The following GMEB1 variants were observed in gnomAD, a reference collection of about 807,000 sequenced individuals.
GMEB1 encodes the protein glucocorticoid modulatory element binding protein 1.
In GMEB1, 6 loss-of-function variants were observed where a neutral mutation model predicts 52.4. That is an observed-to-expected ratio of 0.11 (90% CI 0.06 to 0.23). The LOEUF (loss-of-function observed/expected upper bound fraction) is 0.23, where lower values mean the gene tolerates loss of function less well. Ranked by LOEUF, GMEB1 falls within the 10% of genes least tolerant of loss-of-function variation. The pLI, the probability that GMEB1 is intolerant of heterozygous loss-of-function variation, is 1.00. For missense variants in GMEB1, 486 were observed against 685.6 expected (o/e 0.71, Z 3.25); for synonymous variants, 255 against 244.9 (o/e 1.04, Z -0.38).
intron 1 of GMEB1, among the ~76,000 whole-genome samples, chr1:28,669,398 A>G (rs1223315906): frequency 6.6e-6 from 1 of 152,090 alleles, no homozygotes; most frequent in Admixed American, 6.6e-5. Flanking sequence ...GGAAGCCCGG[A>G]TGCCCGCCTG....
At chr1:28,712,476 C>T (rs1356547345) in intron 9 of GMEB1, among the ~76,000 whole-genome samples, 1 of 152,164 alleles carries the variant, frequency 6.6e-6, no homozygotes, top group Non-Finnish European at 1.5e-5. Context: ...GACCAGCCCC[C>T]ATCTTGAATC....
chr1:28,690,203 G>GTTTTTTTT lies in GMEB1; in HGVS notation c.211+31_211+38dup, dbSNP rs878890649. The GTTTTTTTT allele has an allele frequency of 8.1e-5, 42 of 516,124 alleles. No individual in the cohort carries two copies. Among genetic ancestry groups the GTTTTTTTT allele is most frequent in the African/African-American group, 2.3e-4 (8 of 34,552 alleles). The allele number at this position is 516,124 out of a possible 1,614,324, so 32.0% of individuals were successfully genotyped here. On this transcript the variant is annotated intron_variant, in intron 3 of 9. Transcript: ENST00000373816. ...AAGGGATTGGTAAGGGTTTTTTTGT[G>GTTTTTTTT]TTTTTTTTTTTTTTTTTTTTTGTCA...
chr1:28,685,674 T>C lies in GMEB1; in HGVS notation c.128+1934T>C, dbSNP rs147493657. ...AATTTTTCCCTGATAAAAAATCTTG[T>C]TTACGGCCAGTCATAGTGGCTCACA... On this transcript the variant is annotated intron_variant, in intron 2 of 9. Coordinates refer to ENST00000373816, the MANE Select transcript of GMEB1 (RefSeq NM_001319674.2). Among the ~76,000 whole-genome samples the C allele has an allele frequency of 5.9e-3, 906 of 152,272 alleles. 4 individuals carry two copies. Among genetic ancestry groups the C allele is most frequent in the African/African-American group, 0.02 (851 of 41,560 alleles).
intron 6 of GMEB1, 64 bp from the exon 7 acceptor site, chr1:28,702,374 A>C: frequency 2.9e-6 from 4 of 1,380,326 alleles, no homozygotes; most frequent in Non-Finnish European, 4.1e-6. Context: ...TGAGTATGAG[A>C]TATAGGATAG....
At chr1:28,695,957 AAAAAAAAAAAAAAAAAAT>A (rs1269638597) in intron 5 of GMEB1, among the ~76,000 whole-genome samples, 10 of 148,164 alleles carry the variant, frequency 6.7e-5, no homozygotes, top group African/African-American at 2.3e-4. Flanking sequence ...AAAAAAAAAA[AAAAAAAAAAAAAAAAAAT>A]TTTCAGATGA....
chr1:28,707,045 C>T (rs1180079912), intron 8 of GMEB1, among the ~76,000 whole-genome samples: 1 of 124,708 alleles, frequency 8.0e-6, no homozygotes, highest in Non-Finnish European at 1.6e-5. Context: ...TGCAGTGATG[C>T]GATCTTGGCT....
Position 28,691,611 on chromosome 1 carries a change from G to C in GMEB1, c.238G>C (p.Asp80His). 1 of 1,567,006 alleles carries C rather than the reference G, an allele frequency of 6.4e-7. No individual in the cohort carries two copies. The highest frequency in any genetic ancestry group is 8.7e-7 in the Non-Finnish European group (1 of 1,148,326). The change falls in exon 4 of 10, where the codon GAT becomes CAT. Residue 80 changes from aspartate (D) to histidine (H), a missense_variant. Transcript: ENST00000373816. The part of the protein sequence containing the change: ...IDTGTIEANE[D>H]MEIAYPITCG... ...TACAGGCACTATAGAAGCAAATGAG[G>C]ATATGGAAATTGCTTACCCCATAAC... is the stretch of plus-strand genomic sequence containing the variant.
intron 2 of GMEB1, among the ~76,000 whole-genome samples, chr1:28,684,755 T>C (rs950768860): frequency 6.6e-6 from 1 of 151,620 alleles, no homozygotes; most frequent in Non-Finnish European, 1.5e-5. Context: ...GAGGGGGTGA[T>C]GAGAGGGAAC....
chr1:28,676,608 C>G (rs1198220428), intron 1 of GMEB1, among the ~76,000 whole-genome samples: 1 of 152,062 alleles, frequency 6.6e-6, no homozygotes, highest in African/African-American at 2.4e-5. Flanking sequence ...CGCCTGTAGT[C>G]TCAGCTACTT....
rs1336329442 is a variant in GMEB1 at position 28,714,310 on chromosome 1, G to A, written c.1229G>A (p.Gly410Asp). 1.2e-6 allele frequency: 2 copies of A among 1,614,110 alleles called. No homozygotes were observed. The highest frequency in any genetic ancestry group is 1.7e-5 in the Admixed American group (1 of 60,012). Residue 410 changes from glycine (G) to aspartate (D), a missense_variant, in exon 10 of 10, where the codon GGC becomes GAC. By Grantham distance (94) the Gly-to-Asp change is moderately conservative (BLOSUM62 -1). Around this residue, in one of 5 missense-constraint regions of GMEB1, gnomAD observed 153 missense variants for 200.8 expected, o/e 0.76. Coordinates refer to ENST00000373816, the MANE Select transcript of GMEB1 (RefSeq NM_001319674.2). ...CCAGTGGGTCAGTCATTTTCCATGG[G>A]CAATATTCCAGTGGCCACCCTCAGC... The part of the protein sequence containing the change: ...ITPVGQSFSM[G>D]NIPVATLSQG...
At position 28,702,420 on chromosome 1, in the gene GMEB1, C is replaced by T. The variant is rs1428523450; in HGVS notation, c.599-18C>T. The T allele has an allele frequency of 6.2e-7, 1 of 1,611,212 alleles. No homozygotes were observed. ...TTCGTTAAATTCACTGTTCTCACCT[C>T]TACTGGACTGTTTTTAGGTAGCATC... On this transcript the variant is annotated intron_variant, in intron 6 of 9. Transcript: ENST00000373816.
At chr1:28,700,790 A>G (rs1670466785) in intron 6 of GMEB1, among the ~76,000 whole-genome samples, 3 of 152,260 alleles carry the variant, frequency 2.0e-5, no homozygotes, top group Middle Eastern at 6.8e-3. Context: ...TCAGGAAAGT[A>G]TAAAATATCT....
At chr1:28,710,708 G>T in intron 9 of GMEB1, 66 bp downstream of exon 9, 9 of 1,110,074 alleles carry the variant, frequency 8.1e-6, no homozygotes, top group East Asian at 3.5e-5. Flanking sequence ...CCATTTTCTT[G>T]TTGACTTTTG....
At chr1:28,669,065 C>A (rs1333189931) in intron 1 of GMEB1, among the ~76,000 whole-genome samples, 5 of 146,774 alleles carry the variant, frequency 3.4e-5, no homozygotes, top group African/African-American at 4.9e-5. Flanking sequence ...CCGCTGGGTC[C>A]GCCCGAGCCG....
intron 1 of GMEB1, among the ~76,000 whole-genome samples, chr1:28,677,459 A>C (rs910873887): frequency 1.3e-5 from 2 of 152,166 alleles, no homozygotes; most frequent in Admixed American, 1.3e-4. Context: ...GGCCTCCCAA[A>C]GTGCTGGGAT....
At chr1:28,692,883 C>T (rs1670029043) in intron 4 of GMEB1, 59 bp from the exon 5 acceptor site, 2 of 805,982 alleles carry the variant, frequency 2.5e-6, no homozygotes, top group South Asian at 3.4e-5. Flanking sequence ...TTCATTATTT[C>T]CCCTCTTGGC....
At position 28,704,380 on chromosome 1, in the gene GMEB1, C is replaced by T. The variant is rs188973495; in HGVS notation, c.868+51C>T. ...CAGTGATTTATTGAATACTCACCTCCGTAGGCAGGTCCTGTAAGCCTTGCA... is the reference window on the plus strand; with the variant it reads ...CAGTGATTTATTGAATACTCACCTCTGTAGGCAGGTCCTGTAAGCCTTGCA... On this transcript the variant is annotated intron_variant, in intron 8 of 9. Transcript: ENST00000373816. 1,342 of 1,515,248 alleles carry T rather than the reference C, an allele frequency of 8.9e-4. 9 individuals are homozygous for T. The African/African-American group carries it at 0.013, about 14-fold the overall frequency. The allele number at this position is 1,515,248 out of a possible 1,614,324, so 93.9% of individuals were successfully genotyped here. A position where few individuals can be genotyped will look rare whatever the true frequency, so the allele number is the denominator to read the frequency against.
rs190715835 is a variant in GMEB1 at position 28,717,280 on chromosome 1, C to T, written c.*2507C>T. 2.6e-5 allele frequency: 4 copies of T among 151,718 alleles called. No individual in the cohort carries two copies. Among genetic ancestry groups the T allele is most frequent in the African/African-American group, 7.2e-5 (3 of 41,404 alleles). The allele number at this position is 151,718 out of a possible 1,614,324, so 9.4% of individuals were successfully genotyped here. On this transcript the variant is annotated 3_prime_UTR_variant, in exon 10 of 10. Transcript: ENST00000373816. ...TCTCAGCTCACTGCAACCTCCGCCTCCTTGGTTCAAGTGATTCTCCTGCCT... is the reference window on the plus strand; with the variant it reads ...TCTCAGCTCACTGCAACCTCCGCCTTCTTGGTTCAAGTGATTCTCCTGCCT...
intron 8 of GMEB1, among the ~76,000 whole-genome samples, chr1:28,706,529 G>A (rs1003546236): frequency 4.1e-5 from 6 of 147,910 alleles, no homozygotes; most frequent in South Asian, 2.1e-4. Flanking sequence ...GCTTGAACCC[G>A]GCAGGTGGAG....
Sources: gnomAD v4.1 joint callset for allele counts (sites outside exome capture counted in the v4.1 genomes callset) on GRCh38, gnomAD v4.1.1 for gene constraint, gnomAD v4.1.1 regional missense constraint, MANE v1.5 for transcripts, NCBI Gene and HGNC (gene_info 2026-07-23, HGNC 2026-07-21) for gene names.